SUGP2: variants seen among roughly 807,000 people sequenced by gnomAD.
SUGP2 encodes the protein SURP and G-patch domain-containing protein 2.
SUGP2 carries 24 observed loss-of-function variants against 90.5 expected under a neutral mutation model. That is an observed-to-expected ratio of 0.27 (90% CI 0.19 to 0.37). The LOEUF is 0.37. Ranked by LOEUF, SUGP2 falls within the 10% of genes least tolerant of loss-of-function variation. The probability of loss-of-function intolerance (pLI) is 1.00; values close to 1 mark genes in which losing one functional copy is unlikely to be tolerated. For synonymous variants in SUGP2, 473 were observed against 513.4 expected, an observed-to-expected ratio of 0.92 and a Z score of 1.06; for missense variants, 1,233 against 1,363.3, an observed-to-expected ratio of 0.90 and a Z score of 1.51.
In SUGP2 at chr19:19,024,640, C is replaced by G. The variant is rs754097875; in HGVS notation, c.1708G>C (p.Ala570Pro). 6.2e-7 allele frequency: 1 copy of G among 1,613,856 alleles called. No individual in the cohort carries two copies. Among genetic ancestry groups the G allele is most frequent in the African/African-American group, 1.3e-5 (1 of 74,896 alleles). ...PPTKPEIQAK[A>P]PSSLSDAVPQ... is the part of the protein sequence containing the mutation. Reference sequence around the variant, plus strand: ...TTACCATCACTCAGACTACTTGGAGCCTTGGCCTGAATTTCAGGTTTCGTA... The same window carrying G: ...TTACCATCACTCAGACTACTTGGAGGCTTGGCCTGAATTTCAGGTTTCGTA... The change falls in exon 3 of 11, where the codon GCT (alanine) becomes CCT (proline). Residue 570 changes from alanine to proline, a missense_variant. Physicochemically the swap from Ala to Pro is conservative, Grantham distance 27 (BLOSUM62 -1). This residue lies in a region of SUGP2 where 540 missense variants were observed against 542.6 expected (regional missense o/e 1.00). Coordinates refer to ENST00000452918, the MANE Select transcript of SUGP2 (RefSeq NM_001017392.5).
chr19:19,006,829 C>T lies in SUGP2; in HGVS notation c.2450+1488G>A, dbSNP rs375879836. ...CAGTGCCCCACAAGGCAGGTGGTAC[C>T]TTAGTGCAGGACCCAGTCATAAGCC... On this transcript the variant is annotated intron_variant, in intron 6 of 10. Coordinates refer to ENST00000452918, the MANE Select transcript of SUGP2 (RefSeq NM_001017392.5). Among the ~76,000 whole-genome samples, 3 of 152,336 alleles carry T rather than the reference C, an allele frequency of 2.0e-5. 1 individual carries two copies. Among genetic ancestry groups the T allele is most frequent in the African/African-American group, 7.2e-5 (3 of 41,578 alleles).
intron 1 of SUGP2, among the ~76,000 whole-genome samples, chr19:19,032,196 T>C (rs2059193968): frequency 6.6e-6 from 1 of 151,600 alleles, no homozygotes; most frequent in African/African-American, 2.4e-5. Flanking sequence ...ACTCTCCCTG[T>C]TGCCCAGGCT....
At chr19:19,017,509 C>T (rs1430081562) in intron 4 of SUGP2, among the ~76,000 whole-genome samples, 1 of 152,050 alleles carries the variant, frequency 6.6e-6, no homozygotes, top group African/African-American at 2.4e-5. Flanking sequence ...CGGTGGCTCA[C>T]GCCTGTAATC....
chr19:19,019,289 A>C, intron 3 of SUGP2, 60 bp from the exon 4 acceptor site: 2 of 1,562,902 alleles, frequency 1.3e-6, no homozygotes, highest in East Asian at 4.6e-5. Flanking sequence ...TGAGAAGACG[A>C]GGATAGTTGA....
At chr19:19,024,553 C>G (rs1367443804) in intron 3 of SUGP2, 66 bp downstream of exon 3, 3 of 1,515,532 alleles carry the variant, frequency 2.0e-6, no homozygotes, top group Non-Finnish European at 2.6e-6. Flanking sequence ...AAAAAAATCT[C>G]GAATAAAAGA....
In SUGP2 at chr19:19,004,100, T is replaced by C. The variant is rs558584764; in HGVS notation, c.2929+68A>G. 1.4e-4 allele frequency: 182 copies of C among 1,260,290 alleles called. No homozygotes were observed. The African/African-American group carries it at 2.6e-3, about 18-fold the overall frequency. The allele number at this position is 1,260,290 out of a possible 1,614,324, so 78.1% of individuals were successfully genotyped here. A position where few individuals can be genotyped will look rare whatever the true frequency, so the allele number is the denominator to read the frequency against. ...GATTAAAATGTCTCCACCTGTCTCT[T>C]CTAACTCTCACAGCCCACCAACCAA... On this transcript the variant is annotated intron_variant, in intron 7 of 10. Transcript: ENST00000452918.
At chr19:19,018,048 AAC>A (rs745975144) in intron 4 of SUGP2, among the ~76,000 whole-genome samples, 1 of 151,578 alleles carries the variant, frequency 6.6e-6, no homozygotes, top group Non-Finnish European at 1.5e-5. Flanking sequence ...GTTCGAGACC[AAC>A]CTGGCCAACA....
Position 19,029,592 on chromosome 19 carries a change from C to A in SUGP2, c.121+1359G>T, listed in dbSNP as rs996680070. On this transcript the variant is annotated intron_variant, in intron 2 of 10. Coordinates refer to ENST00000452918, the MANE Select transcript of SUGP2 (RefSeq NM_001017392.5). The stretch of plus-strand genomic sequence containing the variant: ...TAGCTGGGACCACAGGCACCCACAA[C>A]CACACCTGGCTAATTTTTTTTTTTT... 2.0e-5 allele frequency among the ~76,000 whole-genome samples: 3 copies of A among 151,636 alleles called. No individual in the cohort carries two copies. In the South Asian group the frequency reaches 6.3e-4, roughly 32 times the overall value.
Position 19,031,090 on chromosome 19 carries a change from G to A in SUGP2, c.-11-8C>T, listed in dbSNP as rs1318441735. ...CTGCCATGTTATTTTGCCCTATGGT[G>A]AGAGAGAAAAAAATACACTAAGAGC... On this transcript the variant is annotated splice_polypyrimidine_tract_variant and splice_region_variant and intron_variant, in intron 1 of 10. Transcript: ENST00000452918. 6.2e-6 allele frequency: 10 copies of A among 1,605,178 alleles called. No individual in the cohort carries two copies. The Admixed American group carries it at 1.6e-4, about 25-fold the overall frequency.
At chr19:19,002,504 T>C (rs2057877317) in intron 7 of SUGP2, among the ~76,000 whole-genome samples, 1 of 121,970 alleles carries the variant, frequency 8.2e-6, no homozygotes, top group African/African-American at 3.2e-5. Context: ...TTAGCAAGTC[T>C]GTTTTTTTTT....
At chr19:19,017,289 T>C (rs2145584349) in intron 4 of SUGP2, among the ~76,000 whole-genome samples, 1 of 152,276 alleles carries the variant, frequency 6.6e-6, no homozygotes, top group South Asian at 2.1e-4. Flanking sequence ...ATGATAAACA[T>C]CAATGGTCTC....
At position 19,024,582 on chromosome 19, in the gene SUGP2, A is replaced by G. The variant is rs774951599; in HGVS notation, c.1729+37T>C. 1,142 of 1,560,278 alleles carry G rather than the reference A, an allele frequency of 7.3e-4. 2 individuals are homozygous for G. The highest frequency in any genetic ancestry group is 9.4e-4 in the Non-Finnish European group (1,090 of 1,156,182). ...TAAAAGACATTACCAAAGAAACACG[A>G]AAAACAACAAATAGAAACTTTGGCT... On this transcript the variant is annotated intron_variant, in intron 3 of 10. Coordinates refer to ENST00000452918, the MANE Select transcript of SUGP2 (RefSeq NM_001017392.5).
intron 4 of SUGP2, among the ~76,000 whole-genome samples, chr19:19,014,286 C>T (rs1234616207): frequency 6.6e-6 from 1 of 152,178 alleles, no homozygotes; most frequent in Non-Finnish European, 1.5e-5. Context: ...AGTAACCGCA[C>T]CTGGCTCTTC....
In SUGP2 at chr19:19,008,474, C is replaced by T. The variant is rs569194875; in HGVS notation, c.2339-46G>A. The T allele has an allele frequency of 1.2e-4, 183 of 1,480,206 alleles. No homozygotes were observed. In the South Asian group the frequency reaches 1.9e-3, roughly 16 times the overall value. 91.7% of individuals were successfully genotyped at this position (1,480,206 alleles called of 1,614,324 possible). On this transcript the variant is annotated intron_variant, in intron 5 of 10. Coordinates refer to ENST00000452918, the MANE Select transcript of SUGP2 (RefSeq NM_001017392.5). Reference sequence around the variant, plus strand: ...GTCAGGCATGACTCCTGAGCTGCTGCTCCCCGTGTAAACACTGCAGGGTTG... The same window carrying T: ...GTCAGGCATGACTCCTGAGCTGCTGTTCCCCGTGTAAACACTGCAGGGTTG...
intron 7 of SUGP2, among the ~76,000 whole-genome samples, chr19:19,003,050 C>T (rs1275167770): frequency 6.6e-6 from 1 of 152,172 alleles, no homozygotes; most frequent in Non-Finnish European, 1.5e-5. Context: ...CTCAAGCGAT[C>T]CTCTTGCCTC....
chr19:19,010,129 G>C lies in SUGP2; in HGVS notation c.2064C>G (p.Leu688=), dbSNP rs1456923713. The change falls in exon 5 of 11, where the codon CTC becomes CTG. Residue 688 remains leucine, a synonymous_variant. Transcript: ENST00000452918. ...QRRGLLRAQG[L]RGWKARRATT... is the part of the protein sequence containing the mutation. The stretch of plus-strand genomic sequence containing the variant: ...TCGCTCTCCTCGCCTTCCAGCCCCG[G>C]AGCCCTTGAGCACGGAGGAGCCCCC... 4 of 1,612,178 alleles carry C rather than the reference G, an allele frequency of 2.5e-6. No homozygotes were observed. The highest frequency in any genetic ancestry group is 1.3e-5 in the African/African-American group (1 of 74,830).
intron 4 of SUGP2, among the ~76,000 whole-genome samples, chr19:19,012,857 G>C (rs1317580738): frequency 6.6e-6 from 1 of 151,958 alleles, no homozygotes; most frequent in Non-Finnish European, 1.5e-5. Context: ...TCATGGTTTT[G>C]GACTTAAATG....
intron 2 of SUGP2, among the ~76,000 whole-genome samples, chr19:19,028,171 C>G (rs1465326544): frequency 6.6e-6 from 1 of 152,198 alleles, no homozygotes. Flanking sequence ...GACATTCTTA[C>G]TTAATTAAAT....
At chr19:19,019,060 C>T in intron 4 of SUGP2, 49 bp downstream of exon 4, 5 of 1,584,004 alleles carry the variant, frequency 3.2e-6, no homozygotes, top group African/African-American at 1.3e-5. Context: ...CCAAATTTTG[C>T]CATATACTCC....
Sources: allele counts gnomAD v4.1 joint callset (sites outside exome capture counted in the v4.1 genomes callset), GRCh38; gene constraint gnomAD v4.1.1; regional missense constraint gnomAD v4.1.1; transcripts MANE v1.5; gene names NCBI Gene and HGNC (gene_info 2026-07-23, HGNC 2026-07-21).